DST: variants seen among roughly 807,000 people sequenced by gnomAD.
DST encodes dystonin.
DST carries 253 observed loss-of-function variants against 875.2 expected under a neutral mutation model. The observed-to-expected ratio is 0.29, with a 90% confidence interval of 0.26 to 0.32. The LOEUF (loss-of-function observed/expected upper bound fraction) is 0.32, where lower values mean the gene tolerates loss of function less well. Ranked by LOEUF, DST falls within the 10% of genes least tolerant of loss-of-function variation. DST has a pLI of 1.00. For synonymous variants in DST, 3,124 were observed against 3,197.1 expected, an observed-to-expected ratio of 0.98 and a Z score of 0.77; for missense variants, 8,287 against 9,111.6, an observed-to-expected ratio of 0.91 and a Z score of 3.68.
At chr6:56,872,181 G>A (rs901734799) in intron 3 of DST, among the ~76,000 whole-genome samples, 2 of 152,108 alleles carry the variant, frequency 1.3e-5, no homozygotes, top group Non-Finnish European at 2.9e-5. Flanking sequence ...CCACTTACAG[G>A]AGAGCAAATG....
chr6:56,565,095 G>A (rs550271979), intron 55 of DST, among the ~76,000 whole-genome samples: 5 of 150,726 alleles, frequency 3.3e-5, no homozygotes, highest in Admixed American at 3.3e-4. Flanking sequence ...TTAGGGAGGA[G>A]TCCCTCTTTC....
chr6:56,784,024 CT>C (rs1564161267), intron 4 of DST, among the ~76,000 whole-genome samples: 1 of 152,076 alleles, frequency 6.6e-6, no homozygotes, highest in Admixed American at 6.5e-5. Flanking sequence ...GTTGAAAATT[CT>C]TTTCTTTAAG....
intron 90 of DST, among the ~76,000 whole-genome samples, chr6:56,481,590 A>G (rs2095403125): frequency 6.6e-6 from 1 of 152,228 alleles, no homozygotes; most frequent in African/African-American, 2.4e-5. Flanking sequence ...AGGCTTAAAA[A>G]TAGATTCAAA....
At chr6:56,759,933 G>T (rs1350600759) in intron 4 of DST, among the ~76,000 whole-genome samples, 1 of 151,966 alleles carries the variant, frequency 6.6e-6, no homozygotes, top group Non-Finnish European at 1.5e-5. Context: ...ATCATTTTGT[G>T]GTCCAACCAT....
intron 8 of DST, among the ~76,000 whole-genome samples, 174 bp downstream of exon 8, chr6:56,701,714 C>G (rs937042858): frequency 1.3e-5 from 2 of 152,148 alleles, no homozygotes; most frequent in Non-Finnish European, 2.9e-5. Context: ...CTATTAACTT[C>G]TTTTCTTGGG....
At chr6:56,515,247 TA>T (rs1433695940) in intron 72 of DST, among the ~76,000 whole-genome samples, 1 of 118,740 alleles carries the variant, frequency 8.4e-6, no homozygotes, top group Non-Finnish European at 1.9e-5. Flanking sequence ...ATTAATGACA[TA>T]TACAACAAGT....
intron 4 of DST, among the ~76,000 whole-genome samples, chr6:56,794,166 G>A (rs1002058589): frequency 4.5e-4 from 69 of 152,264 alleles, no homozygotes; most frequent in African/African-American, 1.6e-3. Context: ...TTACTGCTAC[G>A]CTTCTGCAGA....
intron 3 of DST, among the ~76,000 whole-genome samples, chr6:56,858,269 CAG>C (rs1184924040): frequency 2.6e-5 from 4 of 152,140 alleles, no homozygotes; most frequent in Non-Finnish European, 5.9e-5. Flanking sequence ...CAGTTTCAGG[CAG>C]AGTTAAGGAA....
chr6:56,734,422 TAAG>T (rs1168530771), intron 5 of DST, among the ~76,000 whole-genome samples: 1 of 152,230 alleles, frequency 6.6e-6, no homozygotes, highest in African/African-American at 2.4e-5. Flanking sequence ...TTGGCTAGCT[TAAG>T]AATACATAAC....
chr6:56,928,475 C>T (rs191804623), intron 2 of DST, among the ~76,000 whole-genome samples: 108 of 152,272 alleles, frequency 7.1e-4, no homozygotes, highest in African/African-American at 2.4e-3. Flanking sequence ...CAAAAGCCCA[C>T]TTATGCTAAT....
chr6:56,943,594 T>C (rs1169852175), intron 2 of DST, among the ~76,000 whole-genome samples: 2 of 75,178 alleles, frequency 2.7e-5, no homozygotes, highest in African/African-American at 9.1e-5. Flanking sequence ...CCACCACACC[T>C]GGCTGATTTT....
In DST at chr6:56,600,110, C is replaced by A; in HGVS notation, c.11653G>T (p.Asp3885Tyr). ...TATTTCTTTAACTCAACTGTGCCAT[C>A]TCCAATCATGAAGGCTTCTTGGTGA... ...IGHQEAFMIGDGTVELKKYQS... is the reference protein window; with the variant it reads ...IGHQEAFMIGYGTVELKKYQS... The change falls in exon 45 of 104, where the codon GAT (aspartate) becomes TAT (tyrosine). Residue 3885 changes from aspartate to tyrosine, a missense_variant. Asp to Tyr is a radical substitution (Grantham distance 160). Coordinates refer to ENST00000680361, the MANE Select transcript of DST (RefSeq NM_001374736.1). The A allele has an allele frequency of 6.2e-7, 1 of 1,613,012 alleles. No homozygotes were observed. The highest frequency in any genetic ancestry group is 1.1e-5 in the South Asian group (1 of 90,970).
chr6:56,464,491 A>G, intron 100 of DST, 194 bp downstream of exon 100: 1 of 597,976 alleles, frequency 1.7e-6, no homozygotes, highest in Non-Finnish European at 3.0e-6. Context: ...CACTTATAAC[A>G]CCTGCATGTG....
chr6:56,516,141 G>GAGAAAGAGAA (rs1729199071), intron 71 of DST, among the ~76,000 whole-genome samples: 3 of 147,860 alleles, frequency 2.0e-5, no homozygotes, highest in African/African-American at 7.6e-5. Context: ...GGGAGAGAGA[G>GAGAAAGAGAA]AGAGAGAAAG....
At chr6:56,641,339 CA>C (rs1429953256) in intron 17 of DST, among the ~76,000 whole-genome samples, 1 of 152,148 alleles carries the variant, frequency 6.6e-6, no homozygotes, top group Non-Finnish European at 1.5e-5. Flanking sequence ...ATAATCACAG[CA>C]TTTTGGGAGG....
At chr6:56,912,357 T>C (rs1472319674) in intron 2 of DST, among the ~76,000 whole-genome samples, 1 of 152,182 alleles carries the variant, frequency 6.6e-6, no homozygotes, top group Non-Finnish European at 1.5e-5. Context: ...AAAATTAAAT[T>C]AAAATTTCAA....
chr6:56,818,786 T>C (rs2099769625), intron 4 of DST, among the ~76,000 whole-genome samples: 1 of 152,172 alleles, frequency 6.6e-6, no homozygotes. Flanking sequence ...CTCTGATATG[T>C]AAACAATGTC....
chr6:56,868,827 A>G (rs1364289563), intron 3 of DST, among the ~76,000 whole-genome samples: 1 of 152,222 alleles, frequency 6.6e-6, no homozygotes, highest in Non-Finnish European at 1.5e-5. Flanking sequence ...AGAAATGACA[A>G]ATATGTACTG....
Position 56,887,061 on chromosome 6 carries a change from T to C in DST, c.417+13360A>G, listed in dbSNP as rs1038804981. On this transcript the variant is annotated intron_variant, in intron 3 of 103. Coordinates refer to ENST00000680361, the MANE Select transcript of DST (RefSeq NM_001374736.1). ...GACTTAGGAGAAAAGTTCAGAGAGATAGAACCATGAGCCTAGAAAAGAAAC... is the reference window on the plus strand; with the variant it reads ...GACTTAGGAGAAAAGTTCAGAGAGACAGAACCATGAGCCTAGAAAAGAAAC... Among the ~76,000 whole-genome samples the C allele has an allele frequency of 2.6e-5, 4 of 152,212 alleles. 1 individual carries two copies. Among genetic ancestry groups the C allele is most frequent in the African/African-American group, 7.2e-5 (3 of 41,458 alleles).
Sources: allele counts gnomAD v4.1 joint callset (sites outside exome capture counted in the v4.1 genomes callset), GRCh38; gene constraint gnomAD v4.1.1; transcripts MANE v1.5; gene names NCBI Gene and HGNC (gene_info 2026-07-23, HGNC 2026-07-21).